CCDC171: variants seen among roughly 807,000 people sequenced by gnomAD.
The protein encoded by CCDC171 is coiled-coil domain containing 171, also known as coiled-coil domain-containing protein 171.
Under a neutral mutation model 168.2 loss-of-function variants are expected in CCDC171, and 177 were observed. The ratio of observed to expected loss-of-function variants is 1.05; its 90% CI spans 0.93 to 1.19. CCDC171 has a LOEUF of 1.19. CCDC171 is among the 50% of genes most tolerant of loss of function. The pLI is 0.00. For synonymous variants in CCDC171, 687 were observed against 540.8 expected (o/e 1.27, Z -3.75); for missense variants, 1,991 against 1,539.0 (o/e 1.29, Z -4.91).
At chr9:15,865,394 G>GTGTGTA (rs2061734768) in intron 23 of CCDC171, among the ~76,000 whole-genome samples, 1 of 151,630 alleles carries the variant, frequency 6.6e-6, no homozygotes, top group African/African-American at 2.4e-5. Flanking sequence ...TTGTGTGTGT[G>GTGTGTA]TGTATGTATG....
chr9:16,054,281 G>C (rs1269993801), intron 1 of CCDC171, among the ~76,000 whole-genome samples: 1 of 152,166 alleles, frequency 6.6e-6, no homozygotes, highest in Non-Finnish European at 1.5e-5. Context: ...TAGGGGGAAA[G>C]ATACATAATA....
At chr9:15,992,632 T>C (rs1832238177) in intron 3 of CCDC171, among the ~76,000 whole-genome samples, 1 of 152,162 alleles carries the variant, frequency 6.6e-6, no homozygotes, top group Admixed American at 6.5e-5. Context: ...GGTATTCAAC[T>C]ACGAAAAGAG....
At chr9:15,667,374 G>A (rs531418555) in intron 9 of CCDC171, among the ~76,000 whole-genome samples, 91 of 152,126 alleles carry the variant, frequency 6.0e-4, no homozygotes, top group African/African-American at 2.1e-3. Flanking sequence ...GGCTGGGCAC[G>A]GTGGCTTACA....
At chr9:15,958,153 T>C (rs1169616715) in intron 25 of CCDC171, among the ~76,000 whole-genome samples, 1 of 152,058 alleles carries the variant, frequency 6.6e-6, no homozygotes, top group African/African-American at 2.4e-5. Flanking sequence ...CATTCATTCC[T>C]CAACAGGCAG....
intron 23 of CCDC171, among the ~76,000 whole-genome samples, chr9:15,858,501 T>C (rs2061429385): frequency 6.6e-6 from 1 of 152,112 alleles, no homozygotes; most frequent in East Asian, 1.9e-4. Context: ...TGTAAATCAC[T>C]TTGGGTAGTA....
chr9:15,677,482 A>G (rs1011392504), intron 9 of CCDC171, among the ~76,000 whole-genome samples: 2 of 152,100 alleles, frequency 1.3e-5, no homozygotes, highest in Non-Finnish European at 2.9e-5. Flanking sequence ...TTTAGACTGC[A>G]TTATACTGAG....
At chr9:15,944,616 A>G (rs774767441) in intron 25 of CCDC171, among the ~76,000 whole-genome samples, 14 of 152,038 alleles carry the variant, frequency 9.2e-5, no homozygotes, top group Non-Finnish European at 1.6e-4. Flanking sequence ...GTTCAGCTCA[A>G]GAGCCCATTC....
intron 21 of CCDC171, among the ~76,000 whole-genome samples, chr9:15,810,194 T>C (rs938352875): frequency 5.3e-5 from 8 of 151,844 alleles, no homozygotes; most frequent in Non-Finnish European, 8.8e-5. Context: ...CCCCACCAGA[T>C]TAGCTAGATA....
At chr9:15,872,859 G>C (rs1306704728) in intron 23 of CCDC171, among the ~76,000 whole-genome samples, 1 of 151,988 alleles carries the variant, frequency 6.6e-6, no homozygotes, top group African/African-American at 2.4e-5. Flanking sequence ...AAAAAAGCAA[G>C]AGAAGGTATT....
At chr9:15,725,396 T>A (rs1588152460) in intron 14 of CCDC171, among the ~76,000 whole-genome samples, 1 of 152,314 alleles carries the variant, frequency 6.6e-6, no homozygotes, top group South Asian at 2.1e-4. Flanking sequence ...TTATAAATGA[T>A]GTGGCTGTGG....
Position 15,623,250 on chromosome 9 carries a change from A to G in CCDC171, c.676-17A>G. 2 of 1,541,160 alleles carry G rather than the reference A, an allele frequency of 1.3e-6. No individual in the cohort carries two copies. Among genetic ancestry groups the G allele is most frequent in the Non-Finnish European group, 1.8e-6 (2 of 1,139,130 alleles). On this transcript the variant is annotated splice_polypyrimidine_tract_variant and intron_variant, in intron 6 of 25. Coordinates refer to ENST00000380701, the MANE Select transcript of CCDC171 (RefSeq NM_173550.4). ...GGCTTATAAACTTTATTGATGCAAA[A>G]ATGAATTATTTTCCAGGAGCAAGAT...
rs143197600 is a variant in CCDC171, at chr9:15,810,924, C to T, written c.3267+26230C>T. ...GCTGAGGCCGAGGAGGTGCTGAGAG[C>T]GAGCCAGGGCTGCTAGCACATTGTC... On this transcript the variant is annotated intron_variant, in intron 21 of 25. Transcript: ENST00000380701. Among the ~76,000 whole-genome samples the T allele has an allele frequency of 8.7e-4, 132 of 152,368 alleles. 1 individual carries two copies. Among genetic ancestry groups the T allele is most frequent in the African/African-American group, 2.8e-3 (116 of 41,588 alleles).
At chr9:15,632,601 G>GTAAT (rs1224093805) in intron 7 of CCDC171, among the ~76,000 whole-genome samples, 2 of 152,062 alleles carry the variant, frequency 1.3e-5, no homozygotes, top group Non-Finnish European at 2.9e-5. Flanking sequence ...ACTCCCCAAG[G>GTAAT]TAATTTATAG....
the CCDC171 span, among the ~76,000 whole-genome samples, chr9:16,080,989 C>A: frequency 6.6e-6 from 1 of 152,146 alleles, no homozygotes; most frequent in African/African-American, 2.4e-5. Flanking sequence ...TTATTTGCAG[C>A]CGTCTCTCTT....
At chr9:16,057,945 G>A (rs1833868736) in intron 1 of CCDC171, among the ~76,000 whole-genome samples, 1 of 151,878 alleles carries the variant, frequency 6.6e-6, no homozygotes, top group South Asian at 2.1e-4. Flanking sequence ...AAATGAAGCA[G>A]AGCACAAATG....
intron 7 of CCDC171, among the ~76,000 whole-genome samples, chr9:15,625,787 C>T (rs1489239159): frequency 6.6e-6 from 1 of 152,144 alleles, no homozygotes; most frequent in Admixed American, 6.6e-5. Context: ...TTAGGATTGT[C>T]TTGGCAATGC....
chr9:15,697,336 G>C (rs2051292716), intron 11 of CCDC171, among the ~76,000 whole-genome samples: 1 of 152,000 alleles, frequency 6.6e-6, no homozygotes, highest in Non-Finnish European at 1.5e-5. Flanking sequence ...TTCTACTCTT[G>C]CTTGCTTTTG....
At chr9:15,657,320 A>G in intron 8 of CCDC171, 101 bp downstream of exon 8, 1 of 652,892 alleles carries the variant, frequency 1.5e-6, no homozygotes, top group East Asian at 2.9e-5. Flanking sequence ...GTGCATTGAG[A>G]ATGGGTAACA....
intron 25 of CCDC171, among the ~76,000 whole-genome samples, chr9:15,940,506 G>C (rs1186354074): frequency 2.6e-5 from 4 of 151,878 alleles, no homozygotes; most frequent in Non-Finnish European, 5.9e-5. Context: ...AGTCAAACTT[G>C]CAGACCAAAT....
Sources: gnomAD v4.1 joint callset for allele counts (sites outside exome capture counted in the v4.1 genomes callset) on GRCh38, gnomAD v4.1.1 for gene constraint, MANE v1.5 for transcripts, NCBI Gene and HGNC (gene_info 2026-07-23, HGNC 2026-07-21) for gene names.